Variants in C17orf67 observed in about 807,000 individuals in gnomAD.
C17orf67 encodes uncharacterized protein C17orf67.
C17orf67 carries 12 observed loss-of-function variants against 11.2 expected under a neutral mutation model. The ratio of observed to expected loss-of-function variants is 1.07; its 90% CI spans 0.68 to 1.73. C17orf67 has a LOEUF of 1.73. Among genes scored for constraint, C17orf67 ranks in the 40% most tolerant of loss-of-function variants. The probability of loss-of-function intolerance (pLI) is 0.00; values close to 1 mark genes in which losing one functional copy is unlikely to be tolerated. For synonymous variants in C17orf67, 59 were observed against 46.9 expected (o/e 1.26, Z -1.05); for missense variants, 115 against 113.5 (o/e 1.01, Z -0.06).
intron 6 of C17orf67, among the ~76,000 whole-genome samples, chr17:56,805,338 T>A (rs1434702038): frequency 6.6e-6 from 1 of 152,186 alleles, no homozygotes; most frequent in African/African-American, 2.4e-5. Context: ...TCATCCCACA[T>A]ACATTGTTTC....
chr17:56,822,118 C>T (rs1905918942), intron 4 of C17orf67, among the ~76,000 whole-genome samples: 1 of 152,252 alleles, frequency 6.6e-6, no homozygotes, highest in Non-Finnish European at 1.5e-5. Flanking sequence ...AGAGCCACAT[C>T]ACCTGCAGAT....
intron 1 of C17orf67, 119 bp from the exon 2 acceptor site, chr17:56,833,461 G>C (rs1211108346): frequency 6.6e-6 from 1 of 150,822 alleles, no homozygotes; most frequent in African/African-American, 2.4e-5. Context: ...CGCAGGGGAG[G>C]CCCGCCCGCC....
intron 2 of C17orf67, among the ~76,000 whole-genome samples, chr17:56,828,699 T>A (rs1019876050): frequency 7.9e-5 from 12 of 152,118 alleles, no homozygotes; most frequent in Admixed American, 2.0e-4. Context: ...TTCTCCCCCA[T>A]CACAGGGAAC....
rs746284193 is a variant in C17orf67, at chr17:56,815,853, G to T, written c.-43C>A. ...GCCTCTTGCTGAGTGAATCCTCCCA[G>T]ACTGAGTCAGCCAACTTGAAGGAAG... is the stretch of plus-strand genomic sequence containing the variant. On this transcript the variant is annotated 5_prime_UTR_variant, in exon 5 of 8. It adds an upstream start codon to the 5' untranslated region. Transcript: ENST00000397861. 6.2e-7 allele frequency: 1 copy of T among 1,612,814 alleles called. No individual in the cohort carries two copies. Among genetic ancestry groups the T allele is most frequent in the Non-Finnish European group, 8.5e-7 (1 of 1,179,302 alleles).
At position 56,815,753 on chromosome 17, in the gene C17orf67, C is replaced by G. The variant is rs779783776; in HGVS notation, c.55+3G>C. 3.1e-6 allele frequency: 5 copies of G among 1,606,512 alleles called. No individual in the cohort carries two copies. The highest frequency in any genetic ancestry group is 4.3e-6 in the Non-Finnish European group (5 of 1,174,856). On this transcript the variant is annotated splice_donor_region_variant and intron_variant, in intron 5 of 7. Transcript: ENST00000397861. ...ATAGGCTGTTTTTGGAGTCAGTGCC[C>G]ACCTGAGAAGACAGTCAGTAAGGTA...
chr17:56,825,691 G>T (rs979106477), intron 2 of C17orf67, among the ~76,000 whole-genome samples: 34 of 152,216 alleles, frequency 2.2e-4, no homozygotes, highest in African/African-American at 7.9e-4. Context: ...GGAGTATAAT[G>T]TAGCCATTAA....
chr17:56,821,435 T>C (rs1905902687), intron 4 of C17orf67, among the ~76,000 whole-genome samples: 2 of 152,182 alleles, frequency 1.3e-5, no homozygotes, highest in African/African-American at 4.8e-5. Context: ...TGATAGTAAC[T>C]TTAAAGCAAT....
intron 4 of C17orf67, among the ~76,000 whole-genome samples, chr17:56,822,068 G>GCCTGGCTAATTTTTTTTTT (rs1905917343): frequency 6.6e-6 from 1 of 152,158 alleles, no homozygotes; most frequent in African/African-American, 2.4e-5. Context: ...AACCCAGCCC[G>GCCTGGCTAATTTTTTTTTT]GTCTATTTCA....
intron 2 of C17orf67, among the ~76,000 whole-genome samples, chr17:56,826,036 C>A (rs867675695): frequency 2.0e-5 from 3 of 152,242 alleles, no homozygotes; most frequent in South Asian, 4.1e-4. Context: ...CTCACTGCAA[C>A]CTCCACCTCC....
At chr17:56,805,248 T>A (rs1382554913) in intron 6 of C17orf67, among the ~76,000 whole-genome samples, 2 of 152,112 alleles carry the variant, frequency 1.3e-5, no homozygotes, top group Admixed American at 1.3e-4. Flanking sequence ...TGGGGATGAA[T>A]AAGAGTTAAC....
chr17:56,823,258 G>C (rs1405952028), intron 4 of C17orf67, among the ~76,000 whole-genome samples: 3 of 152,104 alleles, frequency 2.0e-5, no homozygotes, highest in Non-Finnish European at 4.4e-5. Flanking sequence ...TTTCTTGGTG[G>C]GATCTCTGTT....
In C17orf67 at chr17:56,815,927, GT is replaced by G. The variant is rs1567797802; in HGVS notation, c.-118del. 11 of 1,558,858 alleles carry G rather than the reference GT, an allele frequency of 7.1e-6. No individual in the cohort carries two copies. The highest frequency in any genetic ancestry group is 3.5e-6 in the Non-Finnish European group (4 of 1,146,714). On this transcript the variant is annotated 5_prime_UTR_variant, in exon 5 of 8. It introduces an in-frame stop codon into an upstream open reading frame of the 5' UTR. Transcript: ENST00000397861. ...TATGCTTTGACTAACGGGACTTACG[GT>G]ATGATGCTGAATGTATCTGACTCTG...
At position 56,832,887 on chromosome 17, in the gene C17orf67, TACAC is replaced by T. The variant is rs1264691628; in HGVS notation, c.-557+7_-557+10del. 3 of 152,272 alleles carry T rather than the reference TACAC, an allele frequency of 2.0e-5. No individual in the cohort carries two copies. The highest frequency in any genetic ancestry group is 6.5e-5 in the Admixed American group (1 of 15,290). 9.4% of individuals were successfully genotyped at this position (152,272 alleles called of 1,614,324 possible). A position where few individuals can be genotyped will look rare whatever the true frequency, so the allele number is the denominator to read the frequency against. Reference sequence around the variant, plus strand: ...ATATGCACACATAATAATATATACATACACACATACACGTATATATACATCTATA... The same window carrying T: ...ATATGCACACATAATAATATATACATACATACACGTATATATACATCTATA... On this transcript the variant is annotated splice_region_variant and intron_variant, in intron 2 of 7. Transcript: ENST00000397861.
intron 2 of C17orf67, among the ~76,000 whole-genome samples, chr17:56,829,158 C>G (rs1906123019): frequency 6.6e-6 from 1 of 152,094 alleles, no homozygotes; most frequent in African/African-American, 2.4e-5. Context: ...CGCCTGTAAT[C>G]CCAGCTACTC....
intron 4 of C17orf67, among the ~76,000 whole-genome samples, chr17:56,816,952 C>T (rs745760218): frequency 3.3e-5 from 5 of 152,168 alleles, no homozygotes; most frequent in Admixed American, 6.5e-5. Context: ...CAGACTCAAG[C>T]GATCCTTCCA....
intron 2 of C17orf67, among the ~76,000 whole-genome samples, chr17:56,830,639 T>C (rs769953892): frequency 3.3e-5 from 5 of 152,222 alleles, no homozygotes; most frequent in Admixed American, 6.5e-5. Context: ...TTTGTATTTA[T>C]ACATTTTTAT....
intron 2 of C17orf67, among the ~76,000 whole-genome samples, chr17:56,829,708 CAAATCTAAAGAATACAG>C (rs1453634301): frequency 6.6e-6 from 1 of 152,156 alleles, no homozygotes; most frequent in Non-Finnish European, 1.5e-5. Context: ...TTGATTCCTC[CAAATCTAAAGAATACAG>C]GAGACCCTGG....
chr17:56,832,033 C>T (rs1337320466), intron 2 of C17orf67, among the ~76,000 whole-genome samples: 3 of 152,166 alleles, frequency 2.0e-5, no homozygotes, highest in African/African-American at 7.2e-5. Flanking sequence ...CTGCAACCTC[C>T]GCCTCCTGGG....
At chr17:56,826,323 G>A (rs887613584) in intron 2 of C17orf67, among the ~76,000 whole-genome samples, 1 of 152,176 alleles carries the variant, frequency 6.6e-6, no homozygotes, top group Admixed American at 6.5e-5. Flanking sequence ...TTCTGCATCA[G>A]CTAGGATTCA....
Sources: allele counts gnomAD v4.1 joint callset (sites outside exome capture counted in the v4.1 genomes callset), GRCh38; gene constraint gnomAD v4.1.1; transcripts MANE v1.5; gene names NCBI Gene and HGNC (gene_info 2026-07-23, HGNC 2026-07-21).